DEPDC7: variants seen among roughly 807,000 people sequenced by gnomAD.
DEPDC7 encodes DEP domain-containing protein 7.
A neutral mutation model predicts 56.6 loss-of-function variants in DEPDC7; 41 were observed. The observed-to-expected ratio is 0.72, with a 90% CI of 0.56 to 0.94. DEPDC7 has a LOEUF of 0.94. Ranked by LOEUF, DEPDC7 falls within the 40% of genes least tolerant of loss-of-function variation. The pLI, the probability that DEPDC7 is intolerant of heterozygous loss-of-function variation, is 0.00. For synonymous variants in DEPDC7, 185 were observed against 208.8 expected, an observed-to-expected ratio of 0.89 and a Z score of 0.98; for missense variants, 522 against 596.3, an observed-to-expected ratio of 0.88 and a Z score of 1.30.
Position 33,032,761 on chromosome 11 carries a change from T to C in DEPDC7, c.1231T>C (p.Phe411Leu). The C allele has an allele frequency of 6.2e-7, 1 of 1,604,824 alleles. No individual in the cohort carries two copies. The highest frequency in any genetic ancestry group is 1.1e-5 in the South Asian group (1 of 88,546). ...SKGKTDLLVL[F>L]LMDHQKDVFK... ...AGGCAAAACAGATCTTCTGGTACTC[T>C]TTTTAATGGATCATCAGAAAGATGT... The change falls in exon 7 of 9, where the codon TTT becomes CTT. Residue 411 changes from phenylalanine (F) to leucine (L), a missense_variant. Physicochemically the swap from Phe to Leu is conservative, Grantham distance 22. Coordinates refer to ENST00000241051, the MANE Select transcript of DEPDC7 (RefSeq NM_001077242.2).
Position 33,025,654 on chromosome 11 carries a change from T to C in DEPDC7, c.74-5T>C. ...CCAGTTTCTCTATGATTTTTCTCCT[T>C]CTAGGTTTCAGTGTAGCTCAGAAGC... On this transcript the variant is annotated splice_region_variant and splice_polypyrimidine_tract_variant and intron_variant, in intron 1 of 8. Coordinates refer to ENST00000241051, the MANE Select transcript of DEPDC7 (RefSeq NM_001077242.2). 1 of 1,594,766 alleles carries C rather than the reference T, an allele frequency of 6.3e-7. No individual in the cohort carries two copies. Among genetic ancestry groups the C allele is most frequent in the Non-Finnish European group, 8.6e-7 (1 of 1,166,808 alleles).
Position 33,015,896 on chromosome 11 carries a change from C to A in DEPDC7, c.-60C>A. The stretch of plus-strand genomic sequence containing the variant: ...GCCCCGCACAGTTAACAGACGGGCG[C>A]TCAGGGAGCTAGGGAGCTGTGAAGC... On this transcript the variant is annotated 5_prime_UTR_variant, in exon 1 of 9. Coordinates refer to ENST00000241051, the MANE Select transcript of DEPDC7 (RefSeq NM_001077242.2). The A allele has an allele frequency of 6.7e-7, 1 of 1,502,646 alleles. No homozygotes were observed. The highest frequency in any genetic ancestry group is 9.0e-7 in the Non-Finnish European group (1 of 1,114,458). 93.1% of individuals were successfully genotyped at this position (1,502,646 alleles called of 1,614,324 possible). A position where few individuals can be genotyped will look rare whatever the true frequency, so the allele number is the denominator to read the frequency against.
rs1173033980 is a variant in DEPDC7, at chr11:33,015,887, A to AGACGG, written c.-67_-63dup. The stretch of plus-strand genomic sequence containing the variant: ...GGGAGCCACGCCCCGCACAGTTAAC[A>AGACGG]GACGGGCGCTCAGGGAGCTAGGGAG... On this transcript the variant is annotated 5_prime_UTR_variant, in exon 1 of 9. Transcript: ENST00000241051. The AGACGG allele has an allele frequency of 3.4e-6, 5 of 1,468,390 alleles. No individual in the cohort carries two copies. The allele number at this position is 1,468,390 out of a possible 1,614,324, so 91.0% of individuals were successfully genotyped here.
chr11:33,022,215 T>A (rs1018360005), intron 1 of DEPDC7, among the ~76,000 whole-genome samples: 2 of 152,244 alleles, frequency 1.3e-5, no homozygotes, highest in African/African-American at 4.8e-5. Context: ...ATTTATGATA[T>A]CCTGCCTTAT....
chr11:33,027,473 G>A (rs918247719), intron 2 of DEPDC7, among the ~76,000 whole-genome samples: 1 of 152,168 alleles, frequency 6.6e-6, no homozygotes, highest in South Asian at 2.1e-4. Context: ...CATTGAATTA[G>A]TTAAATCTAA....
At chr11:33,016,610 A>C in intron 1 of DEPDC7, 11 of 1,611,738 alleles carry the variant, frequency 6.8e-6, no homozygotes, top group Non-Finnish European at 9.3e-6. Flanking sequence ...TTTATGTATA[A>C]GCAGTATTTT....
At chr11:33,023,031 C>G (rs1853538062) in intron 1 of DEPDC7, among the ~76,000 whole-genome samples, 1 of 152,012 alleles carries the variant, frequency 6.6e-6, no homozygotes, top group Non-Finnish European at 1.5e-5. Flanking sequence ...CGAGACCATC[C>G]TGGCTAACAC....
At chr11:33,021,254 AAAAAAAAAG>A (rs1490937997) in intron 1 of DEPDC7, among the ~76,000 whole-genome samples, 6 of 152,080 alleles carry the variant, frequency 3.9e-5, no homozygotes, top group East Asian at 1.9e-4. Context: ...CATCTCAAAA[AAAAAAAAAG>A]AAAAAAAAGA....
intron 5 of DEPDC7, 109 bp downstream of exon 5, chr11:33,031,698 G>A: frequency 4.8e-6 from 4 of 835,926 alleles, no homozygotes; most frequent in Non-Finnish European, 7.5e-6. Flanking sequence ...GAGTGGATCT[G>A]GATTAATTCA....
At chr11:33,016,521 C>T in intron 1 of DEPDC7, 1 of 1,614,044 alleles carries the variant, frequency 6.2e-7, no homozygotes, top group Non-Finnish European at 8.5e-7. Flanking sequence ...CTTGTCTCCC[C>T]AGACTCTTCC....
chr11:33,027,910 A>G (rs1853595020), intron 3 of DEPDC7, 97 bp downstream of exon 3: 5 of 1,270,922 alleles, frequency 3.9e-6, no homozygotes, highest in East Asian at 2.9e-5. Flanking sequence ...TAAATATTCA[A>G]AGTACAGAGA....
intron 1 of DEPDC7, chr11:33,016,240 A>G (rs1335732324): frequency 3.8e-6 from 5 of 1,321,988 alleles, no homozygotes; most frequent in East Asian, 5.8e-5. Flanking sequence ...TGCAAGCGGC[A>G]GAGCCCGCCC....
chr11:33,020,131 CAG>C (rs1853508898), intron 1 of DEPDC7, among the ~76,000 whole-genome samples: 1 of 152,044 alleles, frequency 6.6e-6, no homozygotes, highest in Non-Finnish European at 1.5e-5. Flanking sequence ...GGGTTGCTGA[CAG>C]GGTGGATTAT....
At chr11:33,028,351 T>A in intron 3 of DEPDC7, 1 of 344,866 alleles carries the variant, frequency 2.9e-6, no homozygotes, top group Non-Finnish European at 5.2e-6. Flanking sequence ...TGACTTGATC[T>A]CTTATCTCTG....
chr11:33,029,983 A>G (rs1853615533), intron 4 of DEPDC7, among the ~76,000 whole-genome samples: 2 of 151,702 alleles, frequency 1.3e-5, no homozygotes, highest in Admixed American at 1.3e-4. Context: ...TTTTTTTGAG[A>G]CAGAGTCTCT....
rs762624448 is a variant in DEPDC7, at chr11:33,033,477, G to A, written c.*22G>A. 29 of 1,415,626 alleles carry A rather than the reference G, an allele frequency of 2.0e-5. No individual in the cohort carries two copies. The highest frequency in any genetic ancestry group is 2.8e-5 in the Non-Finnish European group (29 of 1,049,740). The allele number at this position is 1,415,626 out of a possible 1,614,324, so 87.7% of individuals were successfully genotyped here. On this transcript the variant is annotated 3_prime_UTR_variant, in exon 9 of 9. Coordinates refer to ENST00000241051, the MANE Select transcript of DEPDC7 (RefSeq NM_001077242.2). ...CTGAGTTTTTAATATCTGTATATAA[G>A]TTGTGTATTTTAAGAATAAATTATG...
chr11:33,025,300 C>A (rs1853566122), intron 1 of DEPDC7, among the ~76,000 whole-genome samples: 1 of 152,170 alleles, frequency 6.6e-6, no homozygotes, highest in Non-Finnish European at 1.5e-5. Flanking sequence ...TCACACAGGT[C>A]TATCCTGACA....
chr11:33,027,721 G>A lies in DEPDC7; in HGVS notation c.500G>A (p.Arg167Lys). Reference protein sequence around the residue: ...ADALFKSSDIRSASLEDLWEN... With the variant: ...ADALFKSSDIKSASLEDLWEN... ...GCATTATTTAAGTCATCCGATATCA[G>A]ATCAGCCAGTTTAGAGGACCTGTGG... Residue 167 changes from arginine (R) to lysine (K), a missense_variant, in exon 3 of 9, where the codon AGA becomes AAA. By Grantham distance (26) the Arg-to-Lys change is conservative. Coordinates refer to ENST00000241051, the MANE Select transcript of DEPDC7 (RefSeq NM_001077242.2). 13 of 1,560,238 alleles carry A rather than the reference G, an allele frequency of 8.3e-6. No homozygotes were observed. Among genetic ancestry groups the A allele is most frequent in the Non-Finnish European group, 1.1e-5 (13 of 1,161,866 alleles).
chr11:33,031,333 TAATCTTCCCTTGCCTTTTAA>T, intron 4 of DEPDC7, 25 bp from the exon 5 acceptor site: 1 of 1,455,308 alleles, frequency 6.9e-7, no homozygotes, highest in Non-Finnish European at 9.6e-7. Context: ...GCCTTTTAAA[TAATCTTCCCTTGCCTTTTAA>T]ATAATCTTCC....
Sources: allele counts gnomAD v4.1 joint callset (sites outside exome capture counted in the v4.1 genomes callset), GRCh38; gene constraint gnomAD v4.1.1; transcripts MANE v1.5; gene names NCBI Gene and HGNC (gene_info 2026-07-23, HGNC 2026-07-21).